The following C2orf80 variants were observed in gnomAD, a reference collection of about 807,000 sequenced individuals.
C2orf80 encodes uncharacterized protein C2orf80.
Under a neutral mutation model 30.2 loss-of-function variants are expected in C2orf80, and 28 were observed. The observed-to-expected ratio is 0.93, with a 90% confidence interval of 0.69 to 1.27. The LOEUF (loss-of-function observed/expected upper bound fraction) is 1.27, where lower values mean the gene tolerates loss of function less well. C2orf80 is among the 50% of genes most tolerant of loss of function. The pLI, the probability that C2orf80 is intolerant of heterozygous loss-of-function variation, is 0.00. For synonymous variants in C2orf80, 80 were observed against 76.4 expected (o/e 1.05, Z -0.24); for missense variants, 220 against 231.0 (o/e 0.95, Z 0.31).
intron 8 of C2orf80, among the ~76,000 whole-genome samples, chr2:208,166,866 G>A (rs942828892): frequency 4.6e-5 from 7 of 152,098 alleles, no homozygotes; most frequent in African/African-American, 1.7e-4. Flanking sequence ...TAGCCAGGAT[G>A]GTCTTGATCT....
At position 208,171,096 on chromosome 2, in the gene C2orf80, T is replaced by C. The variant is rs770027106; in HGVS notation, c.455-33A>G. ...CAGATGCAGTAACCATATCTGTATA[T>C]AAAACTTTTTTAAAAATGTGTCCAT... On this transcript the variant is annotated intron_variant, in intron 7 of 8. Transcript: ENST00000341287. 2.8e-6 allele frequency: 4 copies of C among 1,453,860 alleles called. No homozygotes were observed. The Admixed American group carries it at 5.8e-5, about 21-fold the overall frequency. 90.1% of individuals were successfully genotyped at this position (1,453,860 alleles called of 1,614,324 possible). A position where few individuals can be genotyped will look rare whatever the true frequency, so the allele number is the denominator to read the frequency against.
chr2:208,177,064 C>G (rs543107339), intron 6 of C2orf80, among the ~76,000 whole-genome samples: 2 of 119,986 alleles, frequency 1.7e-5, no homozygotes, highest in East Asian at 7.4e-4. Flanking sequence ...CATATGTATA[C>G]ATATACGTAT....
intron 3 of C2orf80, 115 bp downstream of exon 3, chr2:208,184,836 T>C (rs763589128): frequency 3.5e-4 from 256 of 724,728 alleles, no homozygotes; most frequent in Non-Finnish European, 5.3e-4. Flanking sequence ...GAAGAGGACA[T>C]TTGGGGGATG....
intron 6 of C2orf80, among the ~76,000 whole-genome samples, chr2:208,175,470 G>GT (rs1696258123): frequency 6.6e-6 from 1 of 152,160 alleles, no homozygotes; most frequent in African/African-American, 2.4e-5. Flanking sequence ...GGCTAACAGA[G>GT]TAGGTGAGCA....
At chr2:208,179,905 G>A (rs979129718) in intron 6 of C2orf80, among the ~76,000 whole-genome samples, 1 of 152,116 alleles carries the variant, frequency 6.6e-6, no homozygotes, top group Non-Finnish European at 1.5e-5. Context: ...CTACTTAGGA[G>A]GCTGAGGCCA....
rs781187783 is a variant in C2orf80, at chr2:208,188,198, G to C, written c.-75-1137C>G. On this transcript the variant is annotated intron_variant, in intron 1 of 8. Transcript: ENST00000341287. ...ACTCAAATATAACAAAATGTTAATA[G>C]TTGTTGACTCTGGAATTCTAAGTCC... Among the ~76,000 whole-genome samples, 4 of 150,776 alleles carry C rather than the reference G, an allele frequency of 2.7e-5. No individual in the cohort carries two copies. The Admixed American group carries it at 2.7e-4, about 10-fold the overall frequency.
rs1036927896 is a variant in C2orf80 at position 208,173,831 on chromosome 2, G to A, written c.367-1756C>T. ...AGAGAGCTTTAAAGCTGTTAATACTGTTCCATTTTACACACTTGGATTTGT... is the reference window on the plus strand; with the variant it reads ...AGAGAGCTTTAAAGCTGTTAATACTATTCCATTTTACACACTTGGATTTGT... On this transcript the variant is annotated intron_variant, in intron 6 of 8. Coordinates refer to ENST00000341287, the MANE Select transcript of C2orf80 (RefSeq NM_001099334.3). Among the ~76,000 whole-genome samples, 4 of 152,214 alleles carry A rather than the reference G, an allele frequency of 2.6e-5. No homozygotes were observed. In the East Asian group the frequency reaches 7.7e-4, roughly 29 times the overall value.
chr2:208,187,082 G>T, intron 1 of C2orf80, 21 bp from the exon 2 acceptor site: 1 of 1,144,032 alleles, frequency 8.7e-7, no homozygotes, highest in Non-Finnish European at 1.3e-6. Flanking sequence ...AAATCAGAGA[G>T]AATATGAGTT....
chr2:208,168,308 G>C (rs1180699915), intron 8 of C2orf80: 1 of 250,300 alleles, frequency 4.0e-6, no homozygotes, highest in Non-Finnish European at 7.9e-6. Flanking sequence ...TATATTTTTT[G>C]TCTGGCTTGA....
intron 8 of C2orf80, among the ~76,000 whole-genome samples, chr2:208,166,709 C>T (rs1479698459): frequency 6.6e-6 from 1 of 151,888 alleles, no homozygotes; most frequent in Non-Finnish European, 1.5e-5. Context: ...GGAGTGCATG[C>T]AGTGGCGGGA....
At chr2:208,172,506 A>G (rs752386766) in intron 6 of C2orf80, among the ~76,000 whole-genome samples, 2 of 152,112 alleles carry the variant, frequency 1.3e-5, no homozygotes, top group Non-Finnish European at 2.9e-5. Flanking sequence ...TTGTTGGTTC[A>G]CTCATCTGGC....
At chr2:208,186,681 T>A (rs1696728098) in intron 2 of C2orf80, among the ~76,000 whole-genome samples, 1 of 152,170 alleles carries the variant, frequency 6.6e-6, no homozygotes, top group Non-Finnish European at 1.5e-5. Flanking sequence ...TAGGCTCAGC[T>A]CTCAGGCTCT....
At chr2:208,185,494 G>A (rs1056317731) in intron 2 of C2orf80, among the ~76,000 whole-genome samples, 1 of 152,174 alleles carries the variant, frequency 6.6e-6, no homozygotes, top group Admixed American at 6.5e-5. Context: ...AATACCCTTA[G>A]GAGGAGGAAT....
Position 208,169,673 on chromosome 2 carries a change from A to G in C2orf80, c.573+1272T>C, listed in dbSNP as rs569601850. ...GGTTGCAGTAAGCTGAGATTGTGCC[A>G]TTGCACTCGAGTGTGGGTGACAGAG... On this transcript the variant is annotated intron_variant, in intron 8 of 8. Coordinates refer to ENST00000341287, the MANE Select transcript of C2orf80 (RefSeq NM_001099334.3). Among the ~76,000 whole-genome samples, 30 of 148,188 alleles carry G rather than the reference A, an allele frequency of 2.0e-4. No individual in the cohort carries two copies. In the South Asian group the frequency reaches 6.2e-3, roughly 31 times the overall value.
At chr2:208,176,907 G>GTGTACACATCTGTATACATA (rs1696326732) in intron 6 of C2orf80, among the ~76,000 whole-genome samples, 1 of 10,136 alleles carries the variant, frequency 9.9e-5, no homozygotes, top group African/African-American at 2.0e-4. Flanking sequence ...ATACATATCT[G>GTGTACACATCTGTATACATA]TGTATACATA....
chr2:208,187,845 C>T (rs1161898236), intron 1 of C2orf80, among the ~76,000 whole-genome samples: 1 of 151,752 alleles, frequency 6.6e-6, no homozygotes, highest in African/African-American at 2.4e-5. Context: ...AGATTGCCCT[C>T]TATCTGAGTG....
At chr2:208,176,973 A>AG (rs1559340657) in intron 6 of C2orf80, among the ~76,000 whole-genome samples, 2 of 92,240 alleles carry the variant, frequency 2.2e-5, no homozygotes, top group African/African-American at 7.8e-5. Flanking sequence ...ATGTATACAT[A>AG]TATACAGAAA....
intron 2 of C2orf80, 54 bp from the exon 3 acceptor site, chr2:208,185,086 C>T: frequency 1.5e-6 from 2 of 1,338,900 alleles, no homozygotes; most frequent in Non-Finnish European, 1.0e-6. Flanking sequence ...GCTCAGTCTG[C>T]AGAAAAAGGC....
chr2:208,165,879 TTAAGTC>T (rs1695872527), intron 8 of C2orf80, 64 bp from the exon 9 acceptor site: 1 of 1,154,824 alleles, frequency 8.7e-7, no homozygotes, highest in Non-Finnish European at 1.3e-6. Flanking sequence ...AGACATTACT[TTAAGTC>T]TATAGGAAGT....
Sources: allele counts gnomAD v4.1 joint callset (sites outside exome capture counted in the v4.1 genomes callset), GRCh38; gene constraint gnomAD v4.1.1; transcripts MANE v1.5; gene names NCBI Gene and HGNC (gene_info 2026-07-23, HGNC 2026-07-21).